ANKRD30B: variants seen among roughly 807,000 people sequenced by gnomAD.
ANKRD30B encodes the protein ankyrin repeat domain 30B, also known as ankyrin repeat domain-containing protein 30B.
A neutral mutation model predicts 202.2 loss-of-function variants in ANKRD30B; 144 were observed. The observed-to-expected ratio is 0.71, with a 90% CI of 0.62 to 0.82. ANKRD30B has a LOEUF of 0.82. ANKRD30B is among the 40% of genes least tolerant of loss of function. The pLI is 0.00. For missense variants in ANKRD30B, 1,487 were observed against 1,669.1 expected (o/e 0.89, Z 1.90); for synonymous variants, 508 against 561.3 (o/e 0.91, Z 1.34).
chr18:14,839,488 A>C (rs933612352), intron 36 of ANKRD30B, among the ~76,000 whole-genome samples: 18 of 152,202 alleles, frequency 1.2e-4, no homozygotes, highest in African/African-American at 1.9e-4. Flanking sequence ...GGTAACCACC[A>C]ATGTCATCGT....
the ANKRD30B span, among the ~76,000 whole-genome samples, chr18:14,866,251 G>T: frequency 0.35 from 50,541 of 145,660 alleles, 6,638 homozygotes; most frequent in East Asian, 0.49. Context: ...GGGAGCTGGA[G>T]GCTGGAGCCT....
chr18:14,848,140 G>A (rs1447132218), intron 39 of ANKRD30B, among the ~76,000 whole-genome samples: 18 of 152,066 alleles, frequency 1.2e-4, no homozygotes, highest in Admixed American at 1.2e-3. Context: ...ACATTCATAA[G>A]GTTTGCTTTC....
downstream of ANKRD30B, among the ~76,000 whole-genome samples, chr18:14,855,291 C>T (rs1295371462): frequency 1.3e-5 from 2 of 152,210 alleles, no homozygotes; most frequent in African/African-American, 4.8e-5. Context: ...AATGGAGTCT[C>T]CTATGTCTAC....
chr18:14,792,409 G>T (rs1968581520), intron 16 of ANKRD30B, among the ~76,000 whole-genome samples: 1 of 152,072 alleles, frequency 6.6e-6, no homozygotes, highest in Non-Finnish European at 1.5e-5. Context: ...ATTGTAGACG[G>T]AAGATACTAC....
chr18:14,931,864 G>A, the ANKRD30B span, among the ~76,000 whole-genome samples: 1 of 147,674 alleles, frequency 6.8e-6, no homozygotes, highest in South Asian at 2.2e-4. Context: ...CAGAGCAGTG[G>A]CATTAGTTCA....
chr18:14,925,935 A>G, the ANKRD30B span, among the ~76,000 whole-genome samples: 1 of 152,174 alleles, frequency 6.6e-6, no homozygotes, highest in Non-Finnish European at 1.5e-5. Flanking sequence ...GGGCGTTTGC[A>G]CCCACCTGTC....
At chr18:14,793,995 A>G (rs34713632) in intron 16 of ANKRD30B, among the ~76,000 whole-genome samples, 32 of 152,236 alleles carry the variant, frequency 2.1e-4, no homozygotes, top group Admixed American at 4.6e-4. Context: ...ATAGATGTCA[A>G]CAAGCCTTTG....
intron 39 of ANKRD30B, among the ~76,000 whole-genome samples, chr18:14,844,682 G>A (rs916135379): frequency 1.3e-5 from 2 of 152,134 alleles, no homozygotes; most frequent in African/African-American, 2.4e-5. Flanking sequence ...ATGGTTGAGC[G>A]AGTTTACACT....
intron 30 of ANKRD30B, among the ~76,000 whole-genome samples, chr18:14,820,263 T>C (rs965297503): frequency 1.8e-4 from 28 of 152,260 alleles, no homozygotes; most frequent in African/African-American, 5.8e-4. Flanking sequence ...AGATTTTGGG[T>C]TGAGACAATG....
At chr18:14,899,013 T>G in the ANKRD30B span, among the ~76,000 whole-genome samples, 1 of 152,302 alleles carries the variant, frequency 6.6e-6, no homozygotes, top group South Asian at 2.1e-4. Flanking sequence ...GTTCATTATT[T>G]TCCTTGATAT....
At chr18:14,754,587 G>A (rs565274353) in intron 3 of ANKRD30B, among the ~76,000 whole-genome samples, 3 of 152,202 alleles carry the variant, frequency 2.0e-5, no homozygotes, top group African/African-American at 7.2e-5. Context: ...AGGGTTTAAG[G>A]ATATAGAGAT....
the ANKRD30B span, among the ~76,000 whole-genome samples, chr18:14,908,191 A>G: frequency 6.6e-6 from 1 of 152,166 alleles, no homozygotes; most frequent in African/African-American, 2.4e-5. Context: ...CAGGTAGGCA[A>G]TCCTCAGAGA....
At chr18:14,859,991 C>G in the ANKRD30B span, among the ~76,000 whole-genome samples, 1 of 137,084 alleles carries the variant, frequency 7.3e-6, no homozygotes, top group Non-Finnish European at 1.6e-5. Flanking sequence ...GCGCTCCCCA[C>G]TTCCCAGACA....
At chr18:14,866,795 C>T in the ANKRD30B span, among the ~76,000 whole-genome samples, 4 of 151,858 alleles carry the variant, frequency 2.6e-5, no homozygotes, top group Admixed American at 2.6e-4. Context: ...ACTGCGCTAT[C>T]AGGGTCTACA....
chr18:14,798,232 G>A (rs1323640214), intron 20 of ANKRD30B, among the ~76,000 whole-genome samples: 6 of 122,904 alleles, frequency 4.9e-5, no homozygotes, highest in South Asian at 6.3e-4. Context: ...ACCCGCATTT[G>A]TTATTAAGTT....
intron 7 of ANKRD30B, among the ~76,000 whole-genome samples, chr18:14,765,504 GGC>G (rs1445004824): frequency 6.6e-6 from 1 of 151,922 alleles, no homozygotes; most frequent in African/African-American, 2.4e-5. Flanking sequence ...AAATATGTTA[GGC>G]CATGTGTCTC....
Position 14,852,382 on chromosome 18 carries a change from C to A in ANKRD30B, c.4438C>A (p.Arg1480Ser), listed in dbSNP as rs2487184. 66 of 1,530,750 alleles carry A rather than the reference C, an allele frequency of 4.3e-5. No homozygotes were observed. In the Middle Eastern group the frequency reaches 6.8e-4, roughly 16 times the overall value. 94.8% of individuals were successfully genotyped at this position (1,530,750 alleles called of 1,614,324 possible). A position where few individuals can be genotyped will look rare whatever the true frequency, so the allele number is the denominator to read the frequency against. The change falls in exon 42 of 44, where the codon CGT (arginine) becomes AGT (serine). Residue 1480 changes from arginine (R) to serine (S), a missense_variant. Arg to Ser is a moderately radical substitution (Grantham distance 110). Around this residue, in one of 6 missense-constraint regions of ANKRD30B, gnomAD observed 182 missense variants for 216.0 expected, o/e 0.84. Transcript: ENST00000690538. ...CAATTATGGTAACCATTTAAAAGAA[C>A]GTATAGATCAATATGAAAAAGAGAA... is the stretch of plus-strand genomic sequence containing the variant. ...VFNYGNHLKE[R>S]IDQYEKEKAE...
At chr18:14,843,196 T>G (rs1455502557) in intron 39 of ANKRD30B, 100 bp downstream of exon 39, 1 of 1,244,710 alleles carries the variant, frequency 8.0e-7, no homozygotes, top group Non-Finnish European at 1.1e-6. Context: ...ATTATGGAAA[T>G]ATTTGAGTTA....
At chr18:14,763,604 AATAAGT>A in intron 6 of ANKRD30B, 76 bp from the exon 7 acceptor site, 1 of 1,549,612 alleles carries the variant, frequency 6.5e-7, no homozygotes, top group Non-Finnish European at 8.7e-7. Flanking sequence ...AAGCATACAG[AATAAGT>A]AGAAGTTTGC....
Sources: allele counts gnomAD v4.1 joint callset (sites outside exome capture counted in the v4.1 genomes callset), GRCh38; gene constraint gnomAD v4.1.1; regional missense constraint gnomAD v4.1.1; transcripts MANE v1.5; gene names NCBI Gene and HGNC (gene_info 2026-07-23, HGNC 2026-07-21).